ZNF514: variants seen among roughly 807,000 people sequenced by gnomAD.
ZNF514 encodes the protein zinc finger protein 514.
In ZNF514, 12 loss-of-function variants were observed where a neutral mutation model predicts 9.7. The observed-to-expected ratio is 1.24, with a 90% CI of 0.79 to 2.01. ZNF514 has a LOEUF of 2.01. ZNF514 is among the 30% of genes most tolerant of loss of function. ZNF514 has a pLI of 0.00. For missense variants in ZNF514, 467 were observed against 465.5 expected (o/e 1.00, Z -0.03); for synonymous variants, 158 against 163.7 (o/e 0.97, Z 0.27).
At chr2:95,123,917 G>C in the ZNF514 span, among the ~76,000 whole-genome samples, 1 of 152,178 alleles carries the variant, frequency 6.6e-6, no homozygotes, top group Non-Finnish European at 1.5e-5. Flanking sequence ...ATACAGATAG[G>C]AAGTTGCAAA....
the ZNF514 span, among the ~76,000 whole-genome samples, chr2:95,128,605 GAAGAAGAAAGAAA>G: frequency 6.6e-6 from 1 of 150,474 alleles, no homozygotes; most frequent in Non-Finnish European, 1.5e-5. Context: ...GGAGGAGGGA[GAAGAAGAAAGAAA>G]AAGGAGGAGG....
the ZNF514 span, among the ~76,000 whole-genome samples, chr2:95,129,260 G>A: frequency 3.3e-5 from 5 of 152,180 alleles, no homozygotes; most frequent in African/African-American, 1.2e-4. Flanking sequence ...TCCTAAGGAC[G>A]TGCAGCAAAT....
At chr2:95,125,616 T>C in the ZNF514 span, among the ~76,000 whole-genome samples, 1 of 152,194 alleles carries the variant, frequency 6.6e-6, no homozygotes, top group South Asian at 2.1e-4. Flanking sequence ...CCACCATCTA[T>C]CCACAGAAGT....
At chr2:95,150,805 A>G (rs1229335878) in intron 4 of ZNF514, among the ~76,000 whole-genome samples, 5 of 152,306 alleles carry the variant, frequency 3.3e-5, no homozygotes, top group African/African-American at 1.2e-4. Flanking sequence ...CAGTGCCTAC[A>G]GGATAAACCC....
rs2104466361 is a variant in ZNF514 at position 95,150,188 on chromosome 2, T to C, written c.297A>G (p.Ser99=). The C allele has an allele frequency of 2.5e-6, 4 of 1,608,362 alleles. No homozygotes were observed. In the East Asian group the frequency reaches 8.9e-5, roughly 36 times the overall value. ...ISKEELFQVV[S]VEKHIQDVLQ... Reference sequence around the variant, plus strand: ...GCACATCTTGAATGTGTTTTTCCACTGATACTACCTGGAATAATTCTTCTT... The same window carrying C: ...GCACATCTTGAATGTGTTTTTCCACCGATACTACCTGGAATAATTCTTCTT... The change falls in exon 5 of 5, where the codon TCA becomes TCG. Residue 99 remains serine (S), a synonymous_variant. Transcript: ENST00000295208.
At chr2:95,140,733 T>C (rs1028011686), downstream of ZNF514, among the ~76,000 whole-genome samples, 3 of 151,034 alleles carry the variant, frequency 2.0e-5, no homozygotes, top group African/African-American at 7.3e-5. Flanking sequence ...GCCAGCACTC[T>C]GGGAAGCTGA....
At position 95,145,585 on chromosome 2, in the gene ZNF514, C is replaced by G. The variant is rs1673340374; in HGVS notation, c.*3697G>C. Among the ~76,000 whole-genome samples the G allele has an allele frequency of 6.6e-6, 1 of 152,154 alleles. No homozygotes were observed. On this transcript the variant is annotated 3_prime_UTR_variant, in exon 5 of 5. Coordinates refer to ENST00000295208, the MANE Select transcript of ZNF514 (RefSeq NM_032788.3). ...TATTGATTCCAGGTCTTTGGATAAA[C>G]CCACTGCCAATCAGAAAATCTTTGA...
chr2:95,152,585 G>T, intron 4 of ZNF514, 89 bp downstream of exon 4: 1 of 1,056,506 alleles, frequency 9.5e-7, no homozygotes, highest in Non-Finnish European at 1.4e-6. Flanking sequence ...CTCATCTTCT[G>T]AAAGGACAGC....
chr2:95,133,493 T>C, the ZNF514 span, among the ~76,000 whole-genome samples: 1 of 152,188 alleles, frequency 6.6e-6, no homozygotes, highest in South Asian at 2.1e-4. Context: ...GGTGTGGCTA[T>C]TCAAGGGCAA....
At chr2:95,154,640 A>G (rs1461740679) in intron 2 of ZNF514, 7 of 152,232 alleles carry the variant, frequency 4.6e-5, no homozygotes, top group African/African-American at 1.7e-4. Context: ...TGAGTTTGAC[A>G]AAGTATTACA....
the ZNF514 span, among the ~76,000 whole-genome samples, chr2:95,127,609 GT>G: frequency 6.6e-6 from 1 of 151,496 alleles, no homozygotes; most frequent in Admixed American, 6.6e-5. Flanking sequence ...TTGTTTTTTT[GT>G]TTTTTGTGTT....
Position 95,148,513 on chromosome 2 carries a change from A to G in ZNF514, c.*769T>C, listed in dbSNP as rs1673427003. On this transcript the variant is annotated 3_prime_UTR_variant, in exon 5 of 5. Coordinates refer to ENST00000295208, the MANE Select transcript of ZNF514 (RefSeq NM_032788.3). ...AGATGAATACTGAAGCTTGAACTCTACTAATGGGTTTTCCCAGTTTCACTA... is the reference window on the plus strand; with the variant it reads ...AGATGAATACTGAAGCTTGAACTCTGCTAATGGGTTTTCCCAGTTTCACTA... 1 of 152,324 alleles carries G rather than the reference A, an allele frequency of 6.6e-6. No individual in the cohort carries two copies. Among genetic ancestry groups the G allele is most frequent in the Non-Finnish European group, 1.5e-5 (1 of 68,046 alleles). 9.4% of individuals were successfully genotyped at this position (152,324 alleles called of 1,614,324 possible). A position where few individuals can be genotyped will look rare whatever the true frequency, so the allele number is the denominator to read the frequency against.
At chr2:95,130,895 G>A in the ZNF514 span, among the ~76,000 whole-genome samples, 3 of 152,170 alleles carry the variant, frequency 2.0e-5, no homozygotes, top group Non-Finnish European at 2.9e-5. Flanking sequence ...AATCACAAGG[G>A]TATTGATTGG....
At chr2:95,128,982 C>T in the ZNF514 span, among the ~76,000 whole-genome samples, 9 of 152,210 alleles carry the variant, frequency 5.9e-5, no homozygotes, top group Admixed American at 3.9e-4. Flanking sequence ...GCCTTTGGAT[C>T]GCTTCTTCTG....
chr2:95,158,425 G>C (rs192214885), intron 1 of ZNF514, among the ~76,000 whole-genome samples: 2 of 152,328 alleles, frequency 1.3e-5, no homozygotes, highest in Admixed American at 1.3e-4. Flanking sequence ...CTAAACTTAG[G>C]ACTGGCTTAA....
chr2:95,151,149 A>G (rs1430497074), intron 4 of ZNF514, among the ~76,000 whole-genome samples: 1 of 152,226 alleles, frequency 6.6e-6, no homozygotes, highest in Non-Finnish European at 1.5e-5. Context: ...GGGTTACCTT[A>G]TATGACAAAA....
At chr2:95,137,326 C>T in the ZNF514 span, among the ~76,000 whole-genome samples, 1 of 152,288 alleles carries the variant, frequency 6.6e-6, no homozygotes, top group South Asian at 2.1e-4. Flanking sequence ...ATAATCTTCA[C>T]TCAAATAATC....
At chr2:95,156,248 G>A (rs1414115969) in intron 2 of ZNF514, among the ~76,000 whole-genome samples, 2 of 152,112 alleles carry the variant, frequency 1.3e-5, no homozygotes, top group East Asian at 1.9e-4. Context: ...GGGAAACCCC[G>A]GAGGCTGGCA....
intron 1 of ZNF514, chr2:95,158,762 T>G: frequency 8.5e-7 from 1 of 1,182,904 alleles, no homozygotes; most frequent in Non-Finnish European, 1.1e-6. Flanking sequence ...CACGGTCATC[T>G]AGAGACCCCT....
Sources: gnomAD v4.1 joint callset for allele counts (sites outside exome capture counted in the v4.1 genomes callset) on GRCh38, gnomAD v4.1.1 for gene constraint, MANE v1.5 for transcripts, NCBI Gene and HGNC (gene_info 2026-07-23, HGNC 2026-07-21) for gene names.